The following DPH6 variants were observed in gnomAD, a reference collection of about 807,000 sequenced individuals.
The protein encoded by DPH6 is diphthamine biosynthesis 6.
A neutral mutation model predicts 38.2 loss-of-function variants in DPH6; 33 were observed. The ratio of observed to expected loss-of-function variants is 0.86; its 90% CI spans 0.65 to 1.15. The LOEUF (loss-of-function observed/expected upper bound fraction) is 1.15, where lower values mean the gene tolerates loss of function less well. DPH6 is among the 50% of genes most tolerant of loss of function. DPH6 has a pLI of 0.00. For synonymous variants in DPH6, 108 were observed against 103.0 expected, an observed-to-expected ratio of 1.05 and a Z score of -0.30; for missense variants, 325 against 320.0, an observed-to-expected ratio of 1.02 and a Z score of -0.12.
the DPH6 span, among the ~76,000 whole-genome samples, chr15:35,175,878 C>T: frequency 6.6e-6 from 1 of 152,158 alleles, no homozygotes; most frequent in African/African-American, 2.4e-5. Flanking sequence ...GCTTAAAGGC[C>T]ATTTCGTTGG....
At chr15:35,429,722 G>A (rs2053609220) in intron 5 of DPH6, among the ~76,000 whole-genome samples, 1 of 152,022 alleles carries the variant, frequency 6.6e-6, no homozygotes, top group Admixed American at 6.6e-5. Flanking sequence ...TTCCTAAAGA[G>A]ATGTGTCTCT....
chr15:35,330,584 G>C (rs1268836161), downstream of DPH6, among the ~76,000 whole-genome samples: 1 of 152,054 alleles, frequency 6.6e-6, no homozygotes, highest in Non-Finnish European at 1.5e-5. Flanking sequence ...TAAAATTATG[G>C]TGTTAACAAA....
At chr15:35,491,219 G>C (rs1274583954) in intron 3 of DPH6, among the ~76,000 whole-genome samples, 1 of 151,480 alleles carries the variant, frequency 6.6e-6, no homozygotes, top group Non-Finnish European at 1.5e-5. Context: ...ATGGATGGAA[G>C]GATAAAGACA....
intron 6 of DPH6, among the ~76,000 whole-genome samples, chr15:35,383,560 C>T (rs143110729): frequency 6.6e-6 from 1 of 152,330 alleles, no homozygotes; most frequent in East Asian, 1.9e-4. Context: ...AATGACGCAA[C>T]AGCGATATTG....
intron 3 of DPH6, among the ~76,000 whole-genome samples, chr15:35,349,551 C>G (rs572794014): frequency 6.6e-6 from 1 of 152,092 alleles, no homozygotes; most frequent in African/African-American, 2.4e-5. Flanking sequence ...ATTCTTGTGC[C>G]TCAGCCACTG....
the DPH6 span, among the ~76,000 whole-genome samples, chr15:35,194,369 C>CAGAG: frequency 0.033 from 4,840 of 144,708 alleles, 261 homozygotes; most frequent in East Asian, 0.28. Flanking sequence ...TTCCTTTTTC[C>CAGAG]AGAGAGAGAG....
In DPH6 at chr15:35,373,559, C is replaced by T; in HGVS notation, c.712G>A (p.Ala238Thr). Residue 238 changes from alanine (A) to threonine (T), a missense_variant, in exon 8 of 9, where the codon GCT becomes ACT. Ala to Thr is a moderately conservative substitution (Grantham distance 58). Coordinates refer to ENST00000256538, the MANE Select transcript of DPH6 (RefSeq NM_080650.4). ...TGCAATTCTAAAAAGCGTAGATAAG[C>T]CACAGGTGCAAATGCATCAGCTGAA... The part of the protein sequence containing the change: ...IHSADAFAPV[A>T]YLRFLELHLE... 1 of 1,608,598 alleles carries T rather than the reference C, an allele frequency of 6.2e-7. No homozygotes were observed. The highest frequency in any genetic ancestry group is 1.7e-5 in the Admixed American group (1 of 59,090).
chr15:35,171,749 C>T, the DPH6 span, among the ~76,000 whole-genome samples: 1 of 152,024 alleles, frequency 6.6e-6, no homozygotes, highest in Non-Finnish European at 1.5e-5. Context: ...GAATACTTAG[C>T]ATACTCTGGA....
the DPH6 span, among the ~76,000 whole-genome samples, chr15:35,155,865 A>G: frequency 0.54 from 82,864 of 152,074 alleles, 25,420 homozygotes; most frequent in Non-Finnish European, 0.68. Flanking sequence ...GTAGACCACT[A>G]TTTTTTAAAT....
chr15:35,401,814 G>GT (rs2140978579), intron 6 of DPH6: 1 of 575,656 alleles, frequency 1.7e-6, no homozygotes, highest in African/African-American at 1.8e-5. Flanking sequence ...AGCCAGAGAA[G>GT]TTGACAGCGA....
the DPH6 span, among the ~76,000 whole-genome samples, chr15:35,196,288 T>TA: frequency 5.3e-4 from 81 of 152,324 alleles, no homozygotes; most frequent in Non-Finnish European, 8.1e-4. Context: ...AGTGAAGAGA[T>TA]AAAAAATCCC....
intron 3 of DPH6, among the ~76,000 whole-genome samples, chr15:35,245,480 C>T (rs2051631010): frequency 1.3e-5 from 2 of 152,102 alleles, no homozygotes; most frequent in African/African-American, 4.8e-5. Context: ...CCTTGTGATC[C>T]ACCTGCCTCG....
At chr15:35,375,243 T>C (rs1262480077) in intron 7 of DPH6, among the ~76,000 whole-genome samples, 1 of 152,210 alleles carries the variant, frequency 6.6e-6, no homozygotes, top group African/African-American at 2.4e-5. Context: ...ATCAAGATTA[T>C]TACCCAGAGA....
intron 3 of DPH6, among the ~76,000 whole-genome samples, chr15:35,261,318 A>T (rs1248481371): frequency 6.6e-6 from 1 of 152,206 alleles, no homozygotes; most frequent in Non-Finnish European, 1.5e-5. Context: ...GAAGTCCAGT[A>T]TTACCCAGCT....
intron 3 of DPH6, among the ~76,000 whole-genome samples, chr15:35,306,957 G>A (rs541550066): frequency 2.2e-4 from 34 of 152,274 alleles, no homozygotes; most frequent in African/African-American, 4.1e-4. Flanking sequence ...CGAGGTGGCC[G>A]AGAGGAAAGA....
chr15:35,386,656 T>C (rs113015275), intron 6 of DPH6, among the ~76,000 whole-genome samples: 29 of 152,342 alleles, frequency 1.9e-4, no homozygotes, highest in Middle Eastern at 3.4e-3. Context: ...TTGAGAAGTG[T>C]CTGTTTATAT....
intron 3 of DPH6, among the ~76,000 whole-genome samples, chr15:35,474,545 GATCT>G (rs1432245368): frequency 6.6e-6 from 1 of 152,056 alleles, no homozygotes; most frequent in African/African-American, 2.4e-5. Context: ...TTAAAAAACA[GATCT>G]ATTTGCCAGT....
At chr15:35,351,494 T>G (rs1274622545) in intron 3 of DPH6, among the ~76,000 whole-genome samples, 1 of 152,162 alleles carries the variant, frequency 6.6e-6, no homozygotes, top group Non-Finnish European at 1.5e-5. Context: ...CTTCTTCTCA[T>G]GTTGACTTGT....
chr15:35,277,069 G>A (rs953158029), intron 3 of DPH6, among the ~76,000 whole-genome samples: 2 of 152,294 alleles, frequency 1.3e-5, no homozygotes, highest in South Asian at 4.1e-4. Context: ...AGCATGGAAC[G>A]TGTTTCTATT....
Sources: gnomAD v4.1 joint callset for allele counts (sites outside exome capture counted in the v4.1 genomes callset) on GRCh38, gnomAD v4.1.1 for gene constraint, MANE v1.5 for transcripts, NCBI Gene and HGNC (gene_info 2026-07-23, HGNC 2026-07-21) for gene names.